Variants in EBPL observed in about 807,000 individuals in gnomAD.
EBPL encodes the protein emopamil-binding protein-like.
Under a neutral mutation model 19.0 loss-of-function variants are expected in EBPL, and 20 were observed. The observed-to-expected ratio is 1.05, with a 90% CI of 0.74 to 1.53. The LOEUF (loss-of-function observed/expected upper bound fraction) is 1.53. Among genes scored for constraint, EBPL ranks in the 40% most tolerant of loss-of-function variants. The pLI, the probability that EBPL is intolerant of heterozygous loss-of-function variation, is 0.00. For synonymous variants in EBPL, 107 were observed against 117.0 expected (o/e 0.91, Z 0.55); for missense variants, 219 against 261.1 (o/e 0.84, Z 1.11).
At chr13:49,664,099 A>G (rs1465244629) in intron 2 of EBPL, among the ~76,000 whole-genome samples, 1 of 151,934 alleles carries the variant, frequency 6.6e-6, no homozygotes, top group East Asian at 1.9e-4. Flanking sequence ...TAAAAATACA[A>G]AAAGTAGCTG....
intron 1 of EBPL, among the ~76,000 whole-genome samples, chr13:49,672,842 G>T (rs1381008738): frequency 1.3e-5 from 2 of 152,130 alleles, no homozygotes; most frequent in East Asian, 3.9e-4. Context: ...GGCGAATCAC[G>T]AGGTCAGGAG....
At chr13:49,691,203 CG>C in intron 1 of EBPL, 50 bp downstream of exon 1, 1 of 1,278,782 alleles carries the variant, frequency 7.8e-7, no homozygotes, top group African/African-American at 1.5e-5. Flanking sequence ...TTGCCGCCCC[CG>C]CTCCCACTCT....
At chr13:49,687,694 C>T (rs1272191202) in intron 1 of EBPL, among the ~76,000 whole-genome samples, 1 of 152,166 alleles carries the variant, frequency 6.6e-6, no homozygotes, top group Non-Finnish European at 1.5e-5. Flanking sequence ...AAGATGGACG[C>T]GTAGTTCTGG....
chr13:49,660,914 T>C lies in EBPL; in HGVS notation c.*54A>G. On this transcript the variant is annotated 3_prime_UTR_variant, in exon 4 of 4. Transcript: ENST00000242827. ...ATTACATTTTGGCCAAACAAAAAGA[T>C]TTGATTCATTCTGGTTCATGAAGTT... The C allele has an allele frequency of 2.7e-6, 4 of 1,476,280 alleles. No individual in the cohort carries two copies. Among genetic ancestry groups the C allele is most frequent in the Middle Eastern group, 1.8e-4 (1 of 5,616 alleles). The allele number at this position is 1,476,280 out of a possible 1,614,324, so 91.4% of individuals were successfully genotyped here.
chr13:49,690,470 A>G (rs1019803694), intron 1 of EBPL, among the ~76,000 whole-genome samples: 80 of 143,690 alleles, frequency 5.6e-4, no homozygotes, highest in South Asian at 1.1e-3. Flanking sequence ...AAAAAACTTA[A>G]AAGTGTGTGT....
Position 49,691,331 on chromosome 13 carries a change from G to A in EBPL, c.94C>T (p.Leu32=). The change falls in exon 1 of 4, where the codon CTG becomes TTG. Residue 32 remains leucine (L), a synonymous_variant. Transcript: ENST00000242827. ...LAAGCALGLR[L]GRGQGAADRG... The stretch of plus-strand genomic sequence containing the variant: ...TCCGCCGCCCCCTGCCCGCGGCCCA[G>A]GCGCAGGCCCAGGGCGCAGCCCGCC... The A allele has an allele frequency of 7.3e-7, 1 of 1,367,712 alleles. No homozygotes were observed. The highest frequency in any genetic ancestry group is 9.5e-7 in the Non-Finnish European group (1 of 1,056,426). The allele number at this position is 1,367,712 out of a possible 1,614,324, so 84.7% of individuals were successfully genotyped here.
chr13:49,666,006 A>G (rs1965222104), intron 2 of EBPL, among the ~76,000 whole-genome samples: 1 of 152,204 alleles, frequency 6.6e-6, no homozygotes, highest in Admixed American at 6.5e-5. Flanking sequence ...ACAAGACCCG[A>G]CACTGGGCAG....
At chr13:49,662,146 ACCG>A (rs1965159686) in intron 3 of EBPL, among the ~76,000 whole-genome samples, 1 of 152,112 alleles carries the variant, frequency 6.6e-6, no homozygotes, top group Non-Finnish European at 1.5e-5. Flanking sequence ...GGCACCCGCC[ACCG>A]TGCCTGGCTA....
intron 1 of EBPL, among the ~76,000 whole-genome samples, chr13:49,679,416 A>G (rs1594413865): frequency 1.3e-5 from 2 of 152,368 alleles, no homozygotes; most frequent in South Asian, 4.1e-4. Context: ...GCAAAGGGCC[A>G]CATGCAGGAT....
At chr13:49,684,294 G>A (rs561752760) in intron 1 of EBPL, among the ~76,000 whole-genome samples, 57 of 152,312 alleles carry the variant, frequency 3.7e-4, no homozygotes, top group Non-Finnish European at 7.1e-4. Flanking sequence ...AGGAAAAGGG[G>A]AATTTAGAAA....
Position 49,663,196 on chromosome 13 carries a change from C to T in EBPL, c.242-1G>A, listed in dbSNP as rs1243161002. Reference sequence around the variant, plus strand: ...GCATCAGCTTTGCCATATTCTTTCCCTAAAGACAAAATCCATGTTGTTACT... The same window carrying T: ...GCATCAGCTTTGCCATATTCTTTCCTTAAAGACAAAATCCATGTTGTTACT... On this transcript the variant is annotated splice_acceptor_variant, in intron 2 of 3. Transcript: ENST00000242827. LOFTEE classifies it high-confidence loss of function. 1 of 1,613,534 alleles carries T rather than the reference C, an allele frequency of 6.2e-7. No individual in the cohort carries two copies. The highest frequency in any genetic ancestry group is 2.2e-5 in the East Asian group (1 of 44,882).
At chr13:49,661,652 A>G (rs183885070) in intron 3 of EBPL, 1 of 816,364 alleles carries the variant, frequency 1.2e-6, no homozygotes, top group East Asian at 1.2e-4. Context: ...AAAAGGCTCA[A>G]TAATGCAAAT....
chr13:49,679,536 G>C (rs1407679463), intron 1 of EBPL, among the ~76,000 whole-genome samples: 1 of 152,132 alleles, frequency 6.6e-6, no homozygotes, highest in South Asian at 2.1e-4. Flanking sequence ...TTCTTGTTCT[G>C]TCACCCAGGC....
intron 3 of EBPL, among the ~76,000 whole-genome samples, chr13:49,662,123 G>C (rs1157976708): frequency 2.0e-5 from 3 of 152,044 alleles, no homozygotes; most frequent in Non-Finnish European, 4.4e-5. Flanking sequence ...CCTCCCGATA[G>C]CTGGGACTTA....
rs573968374 is a variant in EBPL, at chr13:49,673,625, T to A, written c.172-3779A>T. Among the ~76,000 whole-genome samples, 109 of 152,180 alleles carry A rather than the reference T, an allele frequency of 7.2e-4. 3 individuals are homozygous for A. In the South Asian group the frequency reaches 0.022, roughly 31 times the overall value. On this transcript the variant is annotated intron_variant, in intron 1 of 3. Coordinates refer to ENST00000242827, the MANE Select transcript of EBPL (RefSeq NM_032565.5). The stretch of plus-strand genomic sequence containing the variant: ...CTAATTTTTGTATTTTTAGTAGAGA[T>A]GGGGTTTCACCATGTTGGCCAGGCT...
chr13:49,661,234 T>G (rs1156740442), intron 3 of EBPL, 26 bp from the exon 4 acceptor site: 8 of 1,573,630 alleles, frequency 5.1e-6, no homozygotes, highest in East Asian at 4.5e-5. Context: ...AAGCCCGGGA[T>G]GAACCACCAG....
chr13:49,686,656 T>C (rs761376753), intron 1 of EBPL: 16 of 1,267,428 alleles, frequency 1.3e-5, no homozygotes, highest in Non-Finnish European at 1.6e-5. Context: ...CCTTCTGTTC[T>C]CTCTAGCTCA....
chr13:49,678,838 T>C (rs1024059500), intron 1 of EBPL, among the ~76,000 whole-genome samples: 8 of 150,698 alleles, frequency 5.3e-5, no homozygotes, highest in African/African-American at 2.0e-4. Context: ...CCTCTCAATA[T>C]TAAAAAATAC....
rs370834479 is a variant in EBPL at position 49,661,118 on chromosome 13, G to A, written c.471C>T (p.Leu157=). Residue 157 remains leucine (L), a synonymous_variant, in exon 4 of 4, where the codon CTC becomes CTT. Transcript: ENST00000242827. ...AACAGTACAGCCAGTTGCTGGTGTT[G>A]AGGTTGGGGCTTCTGGTGAGCCACT... ...LPEWLTRSPN[L]NTSNWLYCWL... The A allele has an allele frequency of 3.1e-5, 50 of 1,614,166 alleles. No individual in the cohort carries two copies. The African/African-American group carries it at 5.6e-4, about 18-fold the overall frequency.
Sources: gnomAD v4.1 joint callset for allele counts (sites outside exome capture counted in the v4.1 genomes callset) on GRCh38, gnomAD v4.1.1 for gene constraint, MANE v1.5 for transcripts, NCBI Gene and HGNC (gene_info 2026-07-23, HGNC 2026-07-21) for gene names.